RBMS1: variants seen among roughly 807,000 people sequenced by gnomAD.
The protein encoded by RBMS1 is RNA binding motif single stranded interacting protein 1, also known as RNA-binding motif, single-stranded-interacting protein 1.
Under a neutral mutation model 62.3 loss-of-function variants are expected in RBMS1, and 17 were observed. That is an observed-to-expected ratio of 0.27 (90% CI 0.19 to 0.41). RBMS1 has a LOEUF of 0.41. Ranked by LOEUF, RBMS1 falls within the 10% of genes least tolerant of loss-of-function variation. The pLI, the probability that RBMS1 is intolerant of heterozygous loss-of-function variation, is 1.00. For synonymous variants in RBMS1, 172 were observed against 170.0 expected (o/e 1.01, Z -0.09); for missense variants, 334 against 504.5 (o/e 0.66, Z 3.24).
intron 2 of RBMS1, among the ~76,000 whole-genome samples, chr2:160,341,471 C>T (rs991302873): frequency 2.6e-4 from 39 of 152,038 alleles, no homozygotes; most frequent in African/African-American, 8.2e-4. Flanking sequence ...GTACCACTGT[C>T]AATGACAGAA....
intron 9 of RBMS1, chr2:160,283,235 T>C (rs1214557196): frequency 1.3e-5 from 2 of 152,214 alleles, no homozygotes; most frequent in African/African-American, 4.8e-5. Flanking sequence ...TGCCCCTATT[T>C]TCAGTGACAT....
intron 2 of RBMS1, among the ~76,000 whole-genome samples, chr2:160,324,880 G>GTATATATATATA (rs747823378): frequency 1.1e-3 from 84 of 75,982 alleles, no homozygotes; most frequent in South Asian, 4.0e-3. Flanking sequence ...GTGTGTGTGT[G>GTATATATATATA]TGTATATATA....
intron 5 of RBMS1, 118 bp downstream of exon 5, chr2:160,303,208 CACAG>C: frequency 1.0e-6 from 1 of 979,116 alleles, no homozygotes; most frequent in Non-Finnish European, 1.4e-6. Context: ...AATTTAAGTT[CACAG>C]TGCAACTGCT....
intron 1 of RBMS1, among the ~76,000 whole-genome samples, chr2:160,481,488 T>C (rs1053348899): frequency 6.6e-6 from 1 of 151,982 alleles, no homozygotes; most frequent in African/African-American, 2.4e-5. Flanking sequence ...TTATTAAAAC[T>C]ATCAATCAGA....
rs952619865 is a variant in RBMS1 at position 160,446,190 on chromosome 2, G to A, written c.75+47099C>T. 2.6e-5 allele frequency among the ~76,000 whole-genome samples: 4 copies of A among 152,248 alleles called. No homozygotes were observed. The South Asian group carries it at 6.2e-4, about 24-fold the overall frequency. On this transcript the variant is annotated intron_variant, in intron 1 of 13. Transcript: ENST00000348849. ...TTCAGACAAGTATCAAAGAATATGA[G>A]ACTATAAGCAGAGGCTCCAAAAGTT... is the stretch of plus-strand genomic sequence containing the variant.
intron 6 of RBMS1, among the ~76,000 whole-genome samples, chr2:160,300,358 G>T (rs868355289): frequency 1.3e-5 from 2 of 152,148 alleles, no homozygotes; most frequent in Non-Finnish European, 1.5e-5. Flanking sequence ...ATGAAGGGAG[G>T]TTCACTGAGG....
At chr2:160,395,611 G>GA (rs1432475568) in intron 1 of RBMS1, among the ~76,000 whole-genome samples, 6 of 128,426 alleles carry the variant, frequency 4.7e-5, no homozygotes, top group Non-Finnish European at 9.4e-5. Context: ...GTGACACAGC[G>GA]AGACTCCGTC....
chr2:160,482,258 C>T (rs530969391), intron 1 of RBMS1, among the ~76,000 whole-genome samples: 1 of 152,230 alleles, frequency 6.6e-6, no homozygotes, highest in South Asian at 2.1e-4. Flanking sequence ...AGAATGGATA[C>T]AACCAACCAA....
At chr2:160,457,785 A>G (rs1406253854) in intron 1 of RBMS1, among the ~76,000 whole-genome samples, 1 of 151,954 alleles carries the variant, frequency 6.6e-6, no homozygotes, top group East Asian at 1.9e-4. Flanking sequence ...TGCCAGCTTG[A>G]AAGTCGCACT....
In RBMS1 at chr2:160,476,278, G is replaced by A. The variant is rs571236934; in HGVS notation, c.75+17011C>T. Among the ~76,000 whole-genome samples the A allele has an allele frequency of 8.3e-4, 127 of 152,258 alleles. 1 individual carries two copies. Among genetic ancestry groups the A allele is most frequent in the Middle Eastern group, 3.4e-3 (1 of 294 alleles). ...GACAACGACAAACTAACTTGGTAGT[G>A]ATTGCCTTTGGGGACACTATGAGCA... On this transcript the variant is annotated intron_variant, in intron 1 of 13. Transcript: ENST00000348849.
intron 1 of RBMS1, among the ~76,000 whole-genome samples, chr2:160,465,537 T>C (rs887695231): frequency 1.3e-5 from 2 of 152,160 alleles, no homozygotes. Flanking sequence ...ACTCTAGATC[T>C]TACTCAGGTA....
intron 9 of RBMS1, chr2:160,284,009 T>C (rs1395986027): frequency 6.6e-6 from 1 of 152,164 alleles, no homozygotes; most frequent in Non-Finnish European, 1.5e-5. Flanking sequence ...AGGATCCTGA[T>C]GGTCAACAAA....
At chr2:160,454,668 A>G (rs1033089747) in intron 1 of RBMS1, among the ~76,000 whole-genome samples, 1 of 152,198 alleles carries the variant, frequency 6.6e-6, no homozygotes, top group Non-Finnish European at 1.5e-5. Context: ...GAAGAAGAGG[A>G]GTGGCGAGCC....
intron 1 of RBMS1, among the ~76,000 whole-genome samples, chr2:160,492,410 C>T (rs1219509048): frequency 1.4e-4 from 21 of 152,148 alleles, no homozygotes; most frequent in East Asian, 1.9e-4. Context: ...GAAAGCCAGG[C>T]GCAATTTGTA....
chr2:160,485,471 G>A (rs1461761350), intron 1 of RBMS1, among the ~76,000 whole-genome samples: 2 of 152,168 alleles, frequency 1.3e-5, no homozygotes, highest in Non-Finnish European at 2.9e-5. Context: ...AGAACTATAC[G>A]TGAATTATAA....
chr2:160,297,719 A>C (rs1399772900), intron 6 of RBMS1, among the ~76,000 whole-genome samples: 1 of 152,208 alleles, frequency 6.6e-6, no homozygotes, highest in Non-Finnish European at 1.5e-5. Context: ...AGCCAGGCTA[A>C]AGGGAACCAA....
chr2:160,361,202 T>C (rs1693109387), intron 2 of RBMS1, among the ~76,000 whole-genome samples: 1 of 152,218 alleles, frequency 6.6e-6, no homozygotes, highest in African/African-American at 2.4e-5. Flanking sequence ...TTAAAATAAG[T>C]TACTGCTACA....
At chr2:160,483,014 A>G (rs1194734258) in intron 1 of RBMS1, among the ~76,000 whole-genome samples, 1 of 152,168 alleles carries the variant, frequency 6.6e-6, no homozygotes, top group Non-Finnish European at 1.5e-5. Context: ...AGAGGTAGAA[A>G]AGAACACCAG....
chr2:160,439,032 C>T (rs1683261574), intron 1 of RBMS1, among the ~76,000 whole-genome samples: 1 of 147,338 alleles, frequency 6.8e-6, no homozygotes, highest in Non-Finnish European at 1.5e-5. Flanking sequence ...CCCCCAATCT[C>T]CCTCCTGGAC....
Sources: allele counts gnomAD v4.1 joint callset (sites outside exome capture counted in the v4.1 genomes callset), GRCh38; gene constraint gnomAD v4.1.1; transcripts MANE v1.5; gene names NCBI Gene and HGNC (gene_info 2026-07-23, HGNC 2026-07-21).